Variants in NRG1 observed in about 807,000 individuals in gnomAD.
NRG1 encodes the protein neuregulin 1.
In NRG1, 18 loss-of-function variants were observed where a neutral mutation model predicts 63.8. The ratio of observed to expected loss-of-function variants is 0.28; its 90% CI spans 0.19 to 0.42. The LOEUF (loss-of-function observed/expected upper bound fraction) is 0.42, where lower values mean the gene tolerates loss of function less well. Ranked by LOEUF, NRG1 falls within the 10% of genes least tolerant of loss-of-function variation. NRG1 has a pLI of 1.00. For synonymous variants in NRG1, 302 were observed against 301.3 expected (o/e 1.00, Z -0.02); for missense variants, 762 against 814.7 (o/e 0.94, Z 0.79).
Position 31,640,781 on chromosome 8 carries a change from C to A in NRG1, c.37+1350C>A. On this transcript the variant is annotated intron_variant, in intron 1 of 10. Coordinates refer to the NRG1 transcript ENST00000519301. The surrounding 1 kb of genome is among the most constrained non-coding windows in gnomAD (Gnocchi z 6.3). Reference sequence around the variant, plus strand: ...AACCCGCGGCGAGGAGGGCGCATCCCGGGCGCGCGGGCAGCGGGGCTCGAC... The same window carrying A: ...AACCCGCGGCGAGGAGGGCGCATCCAGGGCGCGCGGGCAGCGGGGCTCGAC... The A allele has an allele frequency of 6.9e-7, 1 of 1,442,788 alleles. No homozygotes were observed. The highest frequency in any genetic ancestry group is 1.5e-5 in the South Asian group (1 of 67,330). 89.4% of individuals were successfully genotyped at this position (1,442,788 alleles called of 1,614,324 possible).
chr8:32,642,971 T>G (rs1382450648), intron 5 of NRG1, among the ~76,000 whole-genome samples: 1 of 152,234 alleles, frequency 6.6e-6, no homozygotes, highest in African/African-American at 2.4e-5. Flanking sequence ...TAGCTTGAAT[T>G]CATAGCCTAG....
chr8:32,646,936 T>C (rs963652715), intron 5 of NRG1: 41 of 984,246 alleles, frequency 4.2e-5, no homozygotes, highest in Non-Finnish European at 4.8e-5. Context: ...GAGGACGGGC[T>C]TGGATGAAGA....
At chr8:32,007,001 G>GATCC (rs1223543784) in intron 1 of NRG1, among the ~76,000 whole-genome samples, 4 of 152,090 alleles carry the variant, frequency 2.6e-5, no homozygotes, top group African/African-American at 9.6e-5. Context: ...TGTCAAAGAG[G>GATCC]ATCCCATTCT....
Position 31,732,407 on chromosome 8 carries a change from G to A in NRG1, c.37+92976G>A, listed in dbSNP as rs138092039. Among the ~76,000 whole-genome samples the A allele has an allele frequency of 3.9e-3, 599 of 152,164 alleles. 1 individual carries two copies. Among genetic ancestry groups the A allele is most frequent in the South Asian group, 0.019 (90 of 4,818 alleles). On this transcript the variant is annotated intron_variant, in intron 1 of 10. Transcript: ENST00000519301. ...CTAGTTAGCCTGTGGTCCAGTAGCC[G>A]CCCCCACACCCCACCATCTATTTTT...
chr8:31,799,748 A>G (rs1210483827), intron 1 of NRG1, among the ~76,000 whole-genome samples: 1 of 152,078 alleles, frequency 6.6e-6, no homozygotes, highest in Non-Finnish European at 1.5e-5. Flanking sequence ...GTACGCCTGT[A>G]TATATACACG....
At chr8:32,269,429 C>T (rs1049076526) in intron 1 of NRG1, among the ~76,000 whole-genome samples, 2 of 152,260 alleles carry the variant, frequency 1.3e-5, no homozygotes, top group African/African-American at 4.8e-5. Context: ...ATCCTGCCAA[C>T]GATTCTTATT....
intron 1 of NRG1, among the ~76,000 whole-genome samples, chr8:32,355,833 A>C (rs1454767563): frequency 6.6e-6 from 1 of 152,188 alleles, no homozygotes; most frequent in Non-Finnish European, 1.5e-5. Flanking sequence ...GGTGATCACA[A>C]ACATAATCTA....
chr8:32,541,092 G>A (rs1489957542), intron 1 of NRG1, among the ~76,000 whole-genome samples: 2 of 152,160 alleles, frequency 1.3e-5, no homozygotes, highest in African/African-American at 4.8e-5. Flanking sequence ...CATATAGTGT[G>A]TTGAAAGTTA....
chr8:31,720,864 T>C (rs183553277), intron 1 of NRG1, among the ~76,000 whole-genome samples: 1 of 152,288 alleles, frequency 6.6e-6, no homozygotes, highest in African/African-American at 2.4e-5. Flanking sequence ...CCTTGAACAA[T>C]ATTTTGCACA....
At chr8:32,026,032 G>C (rs555989297) in intron 1 of NRG1, among the ~76,000 whole-genome samples, 179 of 150,504 alleles carry the variant, frequency 1.2e-3, no homozygotes, top group Non-Finnish European at 2.1e-3. Flanking sequence ...TATCAGTTAG[G>C]TTTACATTTA....
chr8:31,657,948 T>G (rs67595279), intron 1 of NRG1, among the ~76,000 whole-genome samples: 14,312 of 152,284 alleles, frequency 0.094, 817 homozygotes, highest in Middle Eastern at 0.14. Flanking sequence ...GAGGTCCTTT[T>G]GCCCTCTCTG....
chr8:32,487,443 G>A (rs1235966560), intron 1 of NRG1, among the ~76,000 whole-genome samples: 4 of 151,750 alleles, frequency 2.6e-5, no homozygotes, highest in Non-Finnish European at 5.9e-5. Flanking sequence ...ATTCTTGCTT[G>A]TAAGGCAGGG....
At chr8:31,921,095 C>T (rs1366298441) in intron 1 of NRG1, among the ~76,000 whole-genome samples, 3 of 152,098 alleles carry the variant, frequency 2.0e-5, no homozygotes, top group Non-Finnish European at 4.4e-5. Context: ...TTTTCTGGTA[C>T]AAAATTACAA....
intron 1 of NRG1, chr8:32,440,604 T>C (rs994339071): frequency 2.0e-5 from 3 of 152,186 alleles, no homozygotes; most frequent in Admixed American, 2.0e-4. Context: ...GTAAGTCAAC[T>C]TGATTTAGCT....
intron 5 of NRG1, among the ~76,000 whole-genome samples, chr8:32,623,784 T>C (rs1453617438): frequency 6.6e-6 from 1 of 152,260 alleles, no homozygotes; most frequent in Non-Finnish European, 1.5e-5. Flanking sequence ...GAGTATAATT[T>C]ATTTCTTCAC....
At chr8:32,619,883 A>G (rs1431074226) in intron 5 of NRG1, among the ~76,000 whole-genome samples, 4 of 152,026 alleles carry the variant, frequency 2.6e-5, no homozygotes, top group African/African-American at 2.4e-5. Flanking sequence ...ACATTTTTTA[A>G]TCTCATGAAA....
intron 1 of NRG1, among the ~76,000 whole-genome samples, chr8:32,462,950 A>ACTTTCCATTTTCTCCTCTC (rs1775258162): frequency 1.3e-5 from 2 of 151,122 alleles, no homozygotes; most frequent in African/African-American, 4.9e-5. Context: ...CCTCTCATCT[A>ACTTTCCATTTTCTCCTCTC]CTTTCCATTT....
intron 1 of NRG1, among the ~76,000 whole-genome samples, chr8:32,576,954 T>C (rs1244348757): frequency 1.3e-5 from 2 of 152,144 alleles, no homozygotes; most frequent in African/African-American, 4.8e-5. Context: ...AGTTGGTTTT[T>C]CAACTCCTGT....
At chr8:32,741,893 G>T (rs571613085) in intron 6 of NRG1, 115 bp from the exon 7 acceptor site, 4 of 714,614 alleles carry the variant, frequency 5.6e-6, no homozygotes, top group Non-Finnish European at 9.8e-6. Flanking sequence ...TCTTTATATT[G>T]CTTGGTACCA....
Sources: allele counts gnomAD v4.1 joint callset (sites outside exome capture counted in the v4.1 genomes callset), GRCh38; gene constraint gnomAD v4.1.1; non-coding constraint Gnocchi (gnomAD v3.1); transcripts MANE v1.5; gene names NCBI Gene and HGNC (gene_info 2026-07-23, HGNC 2026-07-21).